Variants in GALNT8 observed in about 807,000 individuals in gnomAD.
GALNT8 encodes probable polypeptide N-acetylgalactosaminyltransferase 8.
A neutral mutation model predicts 62.7 loss-of-function variants in GALNT8; 66 were observed. That is an observed-to-expected ratio of 1.05 (90% CI 0.86 to 1.29). GALNT8 has a LOEUF of 1.29. GALNT8 is among the 50% of genes most tolerant of loss of function. The pLI is 0.00. For synonymous variants in GALNT8, 288 were observed against 294.3 expected, an observed-to-expected ratio of 0.98 and a Z score of 0.22; for missense variants, 771 against 791.8, an observed-to-expected ratio of 0.97 and a Z score of 0.32.
chr12:4,732,025 C>T (rs887112018), intron 2 of GALNT8, among the ~76,000 whole-genome samples: 2 of 150,616 alleles, frequency 1.3e-5, no homozygotes, highest in Non-Finnish European at 3.0e-5. Context: ...TCCTGTGTGA[C>T]TGCACAGGTT....
chr12:4,769,229 G>A (rs1478744972), intron 10 of GALNT8, among the ~76,000 whole-genome samples: 1 of 152,168 alleles, frequency 6.6e-6, no homozygotes, highest in East Asian at 1.9e-4. Flanking sequence ...TCGTGGTGAG[G>A]GGTTGGAAGT....
intron 1 of GALNT8, among the ~76,000 whole-genome samples, chr12:4,722,969 G>A (rs753937121): frequency 5.3e-5 from 8 of 151,938 alleles, no homozygotes; most frequent in Non-Finnish European, 1.2e-4. Flanking sequence ...GAGTTTGTAT[G>A]GAGACAAGAA....
chr12:4,765,551 G>A lies in GALNT8; in HGVS notation c.1761+5G>A, dbSNP rs1946395985. The A allele has an allele frequency of 6.3e-7, 1 of 1,596,434 alleles. No individual in the cohort carries two copies. The highest frequency in any genetic ancestry group is 8.5e-7 in the Non-Finnish European group (1 of 1,170,374). ...ATATATTGGGATTTTAAACCGGTGA[G>A]TTATGTGTTTTTGTTTGTTGGTTTG... On this transcript the variant is annotated splice_donor_5th_base_variant and intron_variant, in intron 10 of 10. Transcript: ENST00000252318.
rs138085345 is a variant in GALNT8, at chr12:4,762,880, T to C, written c.1360-373T>C. On this transcript the variant is annotated intron_variant, in intron 7 of 10. Coordinates refer to ENST00000252318, the MANE Select transcript of GALNT8 (RefSeq NM_017417.2). Reference sequence around the variant, plus strand: ...CCAGAATCACAGCAGATTCAGAGACTCCAGCGCAGCCATGTGGTGGAAGAA... The same window carrying C: ...CCAGAATCACAGCAGATTCAGAGACCCCAGCGCAGCCATGTGGTGGAAGAA... Among the ~76,000 whole-genome samples the C allele has an allele frequency of 3.3e-5, 5 of 152,304 alleles. No homozygotes were observed. In the East Asian group the frequency reaches 9.6e-4, roughly 29 times the overall value.
chr12:4,725,812 C>T (rs773807005), intron 1 of GALNT8, among the ~76,000 whole-genome samples: 47 of 152,128 alleles, frequency 3.1e-4, no homozygotes, highest in Non-Finnish European at 5.6e-4. Flanking sequence ...CCTCGGCCTC[C>T]CAAAGTGCAG....
Position 4,763,996 on chromosome 12 carries a change from CG to C in GALNT8, c.1543del (p.Val515PhefsTer23). The C allele has an allele frequency of 1.2e-6, 2 of 1,601,136 alleles. No homozygotes were observed. Among genetic ancestry groups the C allele is most frequent in the Non-Finnish European group, 1.7e-6 (2 of 1,167,980 alleles). On this transcript the variant is annotated frameshift_variant, in exon 9 of 11. Coordinates refer to ENST00000252318, the MANE Select transcript of GALNT8 (RefSeq NM_017417.2). LOFTEE classifies it high-confidence loss of function. ...DENVCLDQGP[V>X]PGNTPIMYYC... is the part of the protein sequence containing the mutation. Reference sequence around the variant, plus strand: ...AAAATGTCTGCTTGGATCAGGGACCCGTTCCAGGCAACACCCCCATCATGTA... The same window carrying C: ...AAAATGTCTGCTTGGATCAGGGACCCTTCCAGGCAACACCCCCATCATGTA...
intron 1 of GALNT8, among the ~76,000 whole-genome samples, chr12:4,722,060 G>A (rs905473662): frequency 4.2e-4 from 64 of 152,170 alleles, no homozygotes; most frequent in African/African-American, 1.3e-3. Context: ...CAGGGAGCAC[G>A]GGGTTGGGGG....
At chr12:4,728,711 T>C (rs1425987038) in intron 2 of GALNT8, among the ~76,000 whole-genome samples, 1 of 152,172 alleles carries the variant, frequency 6.6e-6, no homozygotes, top group Non-Finnish European at 1.5e-5. Context: ...CTTTCGTTGC[T>C]GTATAGGCCT....
At chr12:4,762,596 C>T (rs1946377941) in intron 7 of GALNT8, among the ~76,000 whole-genome samples, 1 of 152,138 alleles carries the variant, frequency 6.6e-6, no homozygotes, top group African/African-American at 2.4e-5. Context: ...AGAAATAAAC[C>T]TGAGCGGCCC....
chr12:4,761,061 A>G lies in GALNT8; in HGVS notation c.1277A>G (p.Lys426Arg), dbSNP rs1238340278. 3 of 1,613,928 alleles carry G rather than the reference A, an allele frequency of 1.9e-6. No homozygotes were observed. The highest frequency in any genetic ancestry group is 2.5e-6 in the Non-Finnish European group (3 of 1,179,994). Reference sequence around the variant, plus strand: ...GCCTTGGATCTCACCGCTGCCTTGAAGCGCAATGCTCTGCGAGTGGCCGAA... The same window carrying G: ...GCCTTGGATCTCACCGCTGCCTTGAGGCGCAATGCTCTGCGAGTGGCCGAA... ...PYALDLTAAL[K>R]RNALRVAEIW... The change falls in exon 7 of 11, where the codon AAG becomes AGG. Residue 426 changes from lysine to arginine, a missense_variant. By Grantham distance (26) the Lys-to-Arg change is conservative. Transcript: ENST00000252318.
chr12:4,744,393 G>A (rs1205250856), intron 3 of GALNT8, 124 bp from the exon 4 acceptor site: 3 of 628,488 alleles, frequency 4.8e-6, no homozygotes, highest in Admixed American at 3.0e-5. Context: ...TTTTCTAGTT[G>A]ACTCTTAGAA....
chr12:4,745,304 C>T (rs1238433834), intron 4 of GALNT8, 125 bp from the exon 5 acceptor site: 2 of 683,398 alleles, frequency 2.9e-6, no homozygotes, highest in African/African-American at 1.7e-5. Context: ...CTACTCACAA[C>T]CCAGTACAGC....
intron 2 of GALNT8, among the ~76,000 whole-genome samples, chr12:4,735,000 G>A (rs2137524115): frequency 1.3e-5 from 2 of 152,352 alleles, no homozygotes; most frequent in South Asian, 4.1e-4. Context: ...AGTAACTGCA[G>A]CAACCCTGGC....
intron 1 of GALNT8, among the ~76,000 whole-genome samples, chr12:4,722,769 G>C (rs1236193279): frequency 6.6e-6 from 1 of 152,060 alleles, no homozygotes; most frequent in Non-Finnish European, 1.5e-5. Flanking sequence ...TTTAAAATGA[G>C]AACTGAGCAT....
chr12:4,753,300 T>C (rs1383910746), intron 6 of GALNT8, among the ~76,000 whole-genome samples: 1 of 152,176 alleles, frequency 6.6e-6, no homozygotes, highest in African/African-American at 2.4e-5. Context: ...CTGTAACTCT[T>C]ACATTTTTCC....
chr12:4,750,736 G>A (rs1946318924), intron 6 of GALNT8, among the ~76,000 whole-genome samples: 1 of 152,056 alleles, frequency 6.6e-6, no homozygotes, highest in African/African-American at 2.4e-5. Context: ...TTAGATCTTT[G>A]AGGAATCAAC....
At chr12:4,742,916 A>G (rs965562077) in intron 3 of GALNT8, among the ~76,000 whole-genome samples, 1 of 152,202 alleles carries the variant, frequency 6.6e-6, no homozygotes, top group Non-Finnish European at 1.5e-5. Flanking sequence ...TTTGTGCTAT[A>G]TGATAGGCAT....
rs199794593 is a variant in GALNT8 at position 4,726,812 on chromosome 12, C to T, written c.492C>T (p.Pro164=). ...SNQLPLNRTI[P]DTRDYRCLRK... is the part of the protein sequence containing the mutation. ...AGCTGCCTCTCAATCGCACCATCCC[C>T]GACACGCGAGACTACAGGTGGGATG... Residue 164 remains proline (P), a synonymous_variant, in exon 2 of 11, where the codon CCC becomes CCT. Coordinates refer to ENST00000252318, the MANE Select transcript of GALNT8 (RefSeq NM_017417.2). The surrounding 1 kb of genome is among the most constrained non-coding windows in gnomAD (Gnocchi z 4.1). The T allele has an allele frequency of 1.7e-5, 27 of 1,612,670 alleles. No individual in the cohort carries two copies. Among genetic ancestry groups the T allele is most frequent in the African/African-American group, 1.5e-4 (11 of 74,970 alleles).
chr12:4,725,107 A>G (rs977308566), intron 1 of GALNT8, among the ~76,000 whole-genome samples: 1 of 152,232 alleles, frequency 6.6e-6, no homozygotes, highest in Admixed American at 6.5e-5. Flanking sequence ...TTAAGGGAGG[A>G]TTAGTAGAAA....
Sources: allele counts gnomAD v4.1 joint callset (sites outside exome capture counted in the v4.1 genomes callset), GRCh38; gene constraint gnomAD v4.1.1; non-coding constraint Gnocchi (gnomAD v3.1); transcripts MANE v1.5; gene names NCBI Gene and HGNC (gene_info 2026-07-23, HGNC 2026-07-21).